The following MINK1 variants were observed in gnomAD, a reference collection of about 807,000 sequenced individuals.
The protein encoded by MINK1 is misshapen-like kinase 1.
Under a neutral mutation model 178.4 loss-of-function variants are expected in MINK1, and 46 were observed. The observed-to-expected ratio is 0.26, with a 90% CI of 0.20 to 0.33. MINK1 has a LOEUF of 0.33. Among genes scored for constraint, MINK1 ranks in the 10% least tolerant of loss-of-function variants. The pLI, the probability that MINK1 is intolerant of heterozygous loss-of-function variation, is 1.00. For synonymous variants in MINK1, 797 were observed against 709.7 expected (o/e 1.12, Z -1.96); for missense variants, 1,366 against 1,814.9 (o/e 0.75, Z 4.49).
At chr17:4,846,821 C>T (rs1911106182) in intron 1 of MINK1, among the ~76,000 whole-genome samples, 1 of 152,176 alleles carries the variant, frequency 6.6e-6, no homozygotes, top group Non-Finnish European at 1.5e-5. Flanking sequence ...CAAGTGTGAG[C>T]CACAGGCTCG....
chr17:4,867,074 A>ATAATAATAAT (rs75060982), intron 1 of MINK1, among the ~76,000 whole-genome samples: 4 of 119,966 alleles, frequency 3.3e-5, no homozygotes, highest in African/African-American at 1.3e-4. Context: ...ACTCGTCTCA[A>ATAATAATAAT]AATAATAATA....
At position 4,895,673 on chromosome 17, in the gene MINK1, G is replaced by A. The variant is rs751601314; in HGVS notation, c.3230-25G>A. 1.5e-5 allele frequency: 24 copies of A among 1,610,672 alleles called. No homozygotes were observed. In the South Asian group the frequency reaches 2.5e-4, roughly 17 times the overall value. ...GGGCCTCAGATGAGAATGGGGGCGG[G>A]TGTGTATGTCTGTCCGTCCCTCAGG... is the stretch of plus-strand genomic sequence containing the variant. On this transcript the variant is annotated intron_variant, in intron 26 of 31. Transcript: ENST00000355280. This position sits in a 1 kb window ranked among gnomAD's most constrained non-coding sequence, Gnocchi z 4.3.
At chr17:4,870,686 G>A (rs1915755351) in intron 1 of MINK1, among the ~76,000 whole-genome samples, 1 of 151,978 alleles carries the variant, frequency 6.6e-6, no homozygotes, top group South Asian at 2.1e-4. Context: ...TTAGCCAGGT[G>A]TGGTGGTGCG....
chr17:4,875,397 C>A, intron 1 of MINK1: 1 of 438,478 alleles, frequency 2.3e-6, no homozygotes, highest in South Asian at 1.6e-5. Flanking sequence ...ATTGCTTGAG[C>A]CCAGGAGTTC....
At chr17:4,869,244 T>G (rs1190844687) in intron 1 of MINK1, among the ~76,000 whole-genome samples, 1 of 123,694 alleles carries the variant, frequency 8.1e-6, no homozygotes, top group Non-Finnish European at 1.8e-5. Flanking sequence ...ATTTTTAAAT[T>G]ATTATTTATT....
At chr17:4,867,681 G>A (rs762568390) in intron 1 of MINK1, among the ~76,000 whole-genome samples, 80 of 151,664 alleles carry the variant, frequency 5.3e-4, no homozygotes, top group Non-Finnish European at 1.2e-3. Flanking sequence ...CAGCTACTTG[G>A]GAGGCTGGTA....
chr17:4,880,962 C>A, intron 2 of MINK1, 22 bp from the exon 3 acceptor site: 1 of 1,478,332 alleles, frequency 6.8e-7, no homozygotes, highest in South Asian at 1.3e-5. Context: ...TGAGCATAGA[C>A]TCAGATCCCT....
chr17:4,879,362 C>T (rs886355368), intron 2 of MINK1, among the ~76,000 whole-genome samples: 2 of 152,216 alleles, frequency 1.3e-5, no homozygotes, highest in Non-Finnish European at 2.9e-5. Flanking sequence ...GTGCTTGATA[C>T]TGTCACAAGT....
chr17:4,877,373 G>T (rs1023283347), intron 1 of MINK1, among the ~76,000 whole-genome samples: 3 of 152,148 alleles, frequency 2.0e-5, no homozygotes, highest in Admixed American at 6.6e-5. Flanking sequence ...AGTAGGAACA[G>T]AAAGTTCTCC....
In MINK1 at chr17:4,896,214, C is replaced by A; in HGVS notation, c.3487C>A (p.Arg1163Ser). 2 of 1,599,336 alleles carry A rather than the reference C, an allele frequency of 1.3e-6. No individual in the cohort carries two copies. The highest frequency in any genetic ancestry group is 1.7e-5 in the Admixed American group (1 of 58,654). ...GCAGTCCTTTGCCGACCTCCCCCAC[C>A]GCCCTCTGCTGGTCGACCTGACAGT... ...AFKSFADLPH[R>S]PLLVDLTVEE... The change falls in exon 29 of 32, where the codon CGC becomes AGC. Residue 1163 changes from arginine to serine, a missense_variant. By Grantham distance (110) the Arg-to-Ser change is moderately radical. Around this residue, in one of 14 missense-constraint regions of MINK1, gnomAD observed 201 missense variants for 240.7 expected, o/e 0.84. Coordinates refer to ENST00000355280, the MANE Select transcript of MINK1 (RefSeq NM_153827.5). This position sits in a 1 kb window ranked among gnomAD's most constrained non-coding sequence, Gnocchi z 4.6.
chr17:4,893,604 C>T lies in MINK1; in HGVS notation c.2564+7C>T, dbSNP rs750983633. On this transcript the variant is annotated splice_region_variant and intron_variant, in intron 21 of 31. Transcript: ENST00000355280. Reference sequence around the variant, plus strand: ...GAGATACCCCTGGGGGCCGGTACGGCATCGGGAGTGGGGCCCTCCCACTCC... The same window carrying T: ...GAGATACCCCTGGGGGCCGGTACGGTATCGGGAGTGGGGCCCTCCCACTCC... 2 of 1,523,498 alleles carry T rather than the reference C, an allele frequency of 1.3e-6. No individual in the cohort carries two copies. Among genetic ancestry groups the T allele is most frequent in the Non-Finnish European group, 1.8e-6 (2 of 1,133,392 alleles). 94.4% of individuals were successfully genotyped at this position (1,523,498 alleles called of 1,614,324 possible). A position where few individuals can be genotyped will look rare whatever the true frequency, so the allele number is the denominator to read the frequency against.
In MINK1 at chr17:4,894,756, G is replaced by A; in HGVS notation, c.2917+123G>A. On this transcript the variant is annotated intron_variant, in intron 24 of 31. Transcript: ENST00000355280. The surrounding 1 kb of genome is among the most constrained non-coding windows in gnomAD (Gnocchi z 4.1). ...CACAGGACCTCTCCCTTGGGCCCTA[G>A]CACCTGCCTGGGCACAGAGGCAAGG... 1 of 768,550 alleles carries A rather than the reference G, an allele frequency of 1.3e-6. No individual in the cohort carries two copies. Among genetic ancestry groups the A allele is most frequent in the Non-Finnish European group, 2.2e-6 (1 of 461,664 alleles). The allele number at this position is 768,550 out of a possible 1,614,324, so 47.6% of individuals were successfully genotyped here.
intron 13 of MINK1, 154 bp from the exon 14 acceptor site, chr17:4,890,363 G>T: frequency 1.4e-6 from 2 of 1,434,526 alleles, no homozygotes; most frequent in Non-Finnish European, 1.8e-6. Flanking sequence ...TTCTTTGCTG[G>T]AACGGGATGG....
At chr17:4,883,468 T>C (rs1967905098) in intron 4 of MINK1, among the ~76,000 whole-genome samples, 1 of 151,662 alleles carries the variant, frequency 6.6e-6, no homozygotes, top group African/African-American at 2.4e-5. Flanking sequence ...CCTCCCAAAG[T>C]GCTAGGATTA....
chr17:4,860,694 C>G (rs1914022284), intron 1 of MINK1: 1 of 519,510 alleles, frequency 1.9e-6, no homozygotes, highest in African/African-American at 1.9e-5. Flanking sequence ...TGAGGCTGAG[C>G]AGAGCAAAGA....
intron 31 of MINK1, 184 bp from the exon 32 acceptor site, chr17:4,897,020 T>G (rs570716694): frequency 4.6e-6 from 4 of 878,404 alleles, no homozygotes; most frequent in East Asian, 2.7e-5. Context: ...GGGCGAGTGG[T>G]GCACCCTCTC....
At chr17:4,844,059 G>C (rs1287662506) in intron 1 of MINK1, among the ~76,000 whole-genome samples, 1 of 152,110 alleles carries the variant, frequency 6.6e-6, no homozygotes. Flanking sequence ...CTGAAGTACA[G>C]TGGTGCGATC....
chr17:4,895,600 C>T lies in MINK1; in HGVS notation c.3230-98C>T. On this transcript the variant is annotated intron_variant, in intron 26 of 31. Coordinates refer to ENST00000355280, the MANE Select transcript of MINK1 (RefSeq NM_153827.5). This position sits in a 1 kb window ranked among gnomAD's most constrained non-coding sequence, Gnocchi z 4.3. ...GCACTGGAAGGTGGGGCCACACTTT[C>T]TCACCCCTTGTGGTATGCTGACAGA... is the stretch of plus-strand genomic sequence containing the variant. The T allele has an allele frequency of 1.9e-6, 3 of 1,553,302 alleles. No homozygotes were observed. The highest frequency in any genetic ancestry group is 2.6e-6 in the Non-Finnish European group (3 of 1,146,162).
chr17:4,875,924 T>C (rs1967142729), intron 1 of MINK1, among the ~76,000 whole-genome samples: 1 of 150,746 alleles, frequency 6.6e-6, no homozygotes, highest in Non-Finnish European at 1.5e-5. Context: ...GCCTCCCGAG[T>C]AGCTGTGAAT....
Sources: gnomAD v4.1 joint callset for allele counts (sites outside exome capture counted in the v4.1 genomes callset) on GRCh38, gnomAD v4.1.1 for gene constraint, gnomAD v4.1.1 regional missense constraint, Gnocchi (gnomAD v3.1) non-coding constraint, MANE v1.5 for transcripts, NCBI Gene and HGNC (gene_info 2026-07-23, HGNC 2026-07-21) for gene names.